Variants in SLC9A9 observed in about 807,000 individuals in gnomAD.
SLC9A9 encodes the protein solute carrier family 9 member A9.
Under a neutral mutation model 77.8 loss-of-function variants are expected in SLC9A9, and 62 were observed. The observed-to-expected ratio is 0.80, with a 90% CI of 0.65 to 0.98. The LOEUF is 0.98. Among genes scored for constraint, SLC9A9 ranks in the 50% least tolerant of loss-of-function variants. SLC9A9 has a pLI of 0.00. For missense variants in SLC9A9, 775 were observed against 774.9 expected (o/e 1.00, Z 0.00); for synonymous variants, 320 against 283.5 (o/e 1.13, Z -1.29).
At chr3:143,846,195 C>T (rs962483769) in intron 1 of SLC9A9, among the ~76,000 whole-genome samples, 3 of 152,102 alleles carry the variant, frequency 2.0e-5, no homozygotes, top group Non-Finnish European at 2.9e-5. Flanking sequence ...AAACAATATC[C>T]CCACCATTGA....
At chr3:143,427,806 T>A (rs2034433443) in intron 12 of SLC9A9, among the ~76,000 whole-genome samples, 1 of 152,224 alleles carries the variant, frequency 6.6e-6, no homozygotes, top group Non-Finnish European at 1.5e-5. Flanking sequence ...GTTGCTTCCC[T>A]CAGGGTCTCT....
At chr3:143,509,095 G>T (rs2036073635) in intron 9 of SLC9A9, among the ~76,000 whole-genome samples, 1 of 152,180 alleles carries the variant, frequency 6.6e-6, no homozygotes, top group South Asian at 2.1e-4. Context: ...ACTATGGAAA[G>T]GCATGCAATA....
At chr3:143,292,321 G>T (rs1403173327) in intron 14 of SLC9A9, among the ~76,000 whole-genome samples, 2 of 152,172 alleles carry the variant, frequency 1.3e-5, no homozygotes, top group African/African-American at 4.8e-5. Context: ...AAACACTTTT[G>T]GTTTTCAGGA....
At chr3:143,723,517 G>A (rs1035035107) in intron 4 of SLC9A9, among the ~76,000 whole-genome samples, 1 of 152,118 alleles carries the variant, frequency 6.6e-6, no homozygotes, top group Non-Finnish European at 1.5e-5. Flanking sequence ...TAATTCAAAG[G>A]ATGACACAGT....
At chr3:143,287,628 G>A (rs1351173055) in intron 14 of SLC9A9, among the ~76,000 whole-genome samples, 2 of 152,160 alleles carry the variant, frequency 1.3e-5, no homozygotes, top group African/African-American at 4.8e-5. Context: ...TTCCCTTAGG[G>A]TTTGGAATAA....
chr3:143,679,572 T>A (rs1423935818), intron 5 of SLC9A9, among the ~76,000 whole-genome samples: 1 of 152,200 alleles, frequency 6.6e-6, no homozygotes, highest in Non-Finnish European at 1.5e-5. Flanking sequence ...TTCCCCCAGC[T>A]GTAACTAGCA....
In SLC9A9 at chr3:143,402,447, G is replaced by GT. The variant is rs11292780; in HGVS notation, c.1470-20334dup. 4.7e-3 allele frequency among the ~76,000 whole-genome samples: 523 copies of GT among 110,338 alleles called. 5 individuals are homozygous for GT. Among genetic ancestry groups the GT allele is most frequent in the East Asian group, 0.039 (147 of 3,728 alleles). 72.4% of individuals were successfully genotyped at this position (110,338 alleles called of 152,430 possible). The stretch of plus-strand genomic sequence containing the variant: ...CTAGCAATTTACTTAGCACCTTTGT[G>GT]TTTTTTTTTTTTTTTTTTTGTAGAA... On this transcript the variant is annotated intron_variant, in intron 12 of 15. Coordinates refer to ENST00000316549, the MANE Select transcript of SLC9A9 (RefSeq NM_173653.4).
At chr3:143,621,951 A>G (rs2038221776) in intron 6 of SLC9A9, among the ~76,000 whole-genome samples, 1 of 152,262 alleles carries the variant, frequency 6.6e-6, no homozygotes, top group Non-Finnish European at 1.5e-5. Flanking sequence ...CCAAGGCACG[A>G]GAACTACATG....
intron 4 of SLC9A9, among the ~76,000 whole-genome samples, chr3:143,704,828 A>G (rs779333264): frequency 5.5e-4 from 83 of 152,080 alleles, no homozygotes; most frequent in Non-Finnish European, 7.5e-4. Flanking sequence ...CCCCATCTCT[A>G]CTAAAAATAC....
At chr3:143,655,245 C>T (rs765447935) in intron 5 of SLC9A9, among the ~76,000 whole-genome samples, 86 of 152,180 alleles carry the variant, frequency 5.7e-4, no homozygotes, top group Non-Finnish European at 1.1e-3. Context: ...GCAGCACCTC[C>T]GCAGGAGAGA....
At chr3:143,809,083 C>A (rs145526185) in intron 2 of SLC9A9, among the ~76,000 whole-genome samples, 1 of 152,226 alleles carries the variant, frequency 6.6e-6, no homozygotes, top group African/African-American at 2.4e-5. Flanking sequence ...GAGAATATAT[C>A]AATGCATATT....
chr3:143,288,218 T>TA (rs1002824855), intron 14 of SLC9A9, among the ~76,000 whole-genome samples: 2 of 150,922 alleles, frequency 1.3e-5, no homozygotes, highest in African/African-American at 4.9e-5. Context: ...CAGCTATACA[T>TA]AGAGTATAGG....
chr3:143,794,112 G>A (rs191454832), intron 4 of SLC9A9, among the ~76,000 whole-genome samples: 227 of 152,292 alleles, frequency 1.5e-3, no homozygotes, highest in African/African-American at 5.3e-3. Context: ...ACAGGCACAA[G>A]TAAAGACACC....
intron 14 of SLC9A9, among the ~76,000 whole-genome samples, chr3:143,271,072 C>T (rs184398406): frequency 3.7e-4 from 56 of 152,054 alleles, no homozygotes; most frequent in African/African-American, 1.3e-3. Context: ...ACTGTCTACA[C>T]TACTTGCCCC....
chr3:143,367,550 G>A (rs1430452968), intron 13 of SLC9A9, among the ~76,000 whole-genome samples: 1 of 152,208 alleles, frequency 6.6e-6, no homozygotes, highest in Non-Finnish European at 1.5e-5. Context: ...AATTAGTCTA[G>A]TGTGTGCTCT....
intron 7 of SLC9A9, 85 bp downstream of exon 7, chr3:143,578,500 C>T (rs2037400116): frequency 6.2e-7 from 1 of 1,600,434 alleles, no homozygotes; most frequent in Non-Finnish European, 8.5e-7. Context: ...TTTTATGGGC[C>T]TGGAGGTTGT....
At chr3:143,584,130 G>C (rs1409600478) in intron 6 of SLC9A9, among the ~76,000 whole-genome samples, 1 of 152,022 alleles carries the variant, frequency 6.6e-6, no homozygotes, top group Admixed American at 6.6e-5. Context: ...CTGTGGCTCT[G>C]GCTGCCCTTC....
chr3:143,364,984 C>T (rs1438908929), intron 13 of SLC9A9, among the ~76,000 whole-genome samples: 3 of 152,164 alleles, frequency 2.0e-5, no homozygotes, highest in Non-Finnish European at 4.4e-5. Context: ...ACTTCTCATT[C>T]ATTGCAGCAC....
At chr3:143,622,419 G>T (rs1039453888) in intron 6 of SLC9A9, among the ~76,000 whole-genome samples, 1 of 152,122 alleles carries the variant, frequency 6.6e-6, no homozygotes, top group East Asian at 1.9e-4. Flanking sequence ...CTGATCTCTC[G>T]GCAGAAACTC....
Sources: gnomAD v4.1 joint callset for allele counts (sites outside exome capture counted in the v4.1 genomes callset) on GRCh38, gnomAD v4.1.1 for gene constraint, MANE v1.5 for transcripts, NCBI Gene and HGNC (gene_info 2026-07-23, HGNC 2026-07-21) for gene names.